The following CEP20 variants were observed in gnomAD, a reference collection of about 807,000 sequenced individuals.
CEP20 encodes FGFR1OP N-terminal like.
Under a neutral mutation model 20.0 loss-of-function variants are expected in CEP20, and 18 were observed. The ratio of observed to expected loss-of-function variants is 0.90; its 90% CI spans 0.62 to 1.34. CEP20 has a LOEUF of 1.34. Among genes scored for constraint, CEP20 ranks in the 40% most tolerant of loss-of-function variants. The pLI, the probability that CEP20 is intolerant of heterozygous loss-of-function variation, is 0.00. For synonymous variants in CEP20, 77 were observed against 73.7 expected, an observed-to-expected ratio of 1.04 and a Z score of -0.23; for missense variants, 215 against 201.6, an observed-to-expected ratio of 1.07 and a Z score of -0.40.
intron 2 of CEP20, among the ~76,000 whole-genome samples, chr16:15,880,295 G>T (rs1034102296): frequency 2.0e-5 from 3 of 152,184 alleles, no homozygotes; most frequent in Admixed American, 2.0e-4. Context: ...TTGCTGGTGG[G>T]AAAGCACAAT....
intron 3 of CEP20, among the ~76,000 whole-genome samples, chr16:15,878,714 G>A (rs376095991): frequency 1.3e-5 from 2 of 152,020 alleles, no homozygotes; most frequent in African/African-American, 4.8e-5. Flanking sequence ...TGACCAGGCT[G>A]GTCTCAAACT....
intron 1 of CEP20, among the ~76,000 whole-genome samples, chr16:15,886,791 C>A (rs565211918): frequency 1.3e-5 from 2 of 152,332 alleles, no homozygotes; most frequent in East Asian, 3.9e-4. Flanking sequence ...AGGTCCATAG[C>A]ATTTTACCTT....
At chr16:15,887,642 G>C (rs1402658901) in intron 1 of CEP20, among the ~76,000 whole-genome samples, 1 of 152,132 alleles carries the variant, frequency 6.6e-6, no homozygotes, top group African/African-American at 2.4e-5. Context: ...TGACACATGA[G>C]GCTCAATGAT....
intron 4 of CEP20, among the ~76,000 whole-genome samples, chr16:15,872,181 A>G (rs1325890816): frequency 2.0e-4 from 30 of 151,926 alleles, no homozygotes; most frequent in Non-Finnish European, 4.1e-4. Flanking sequence ...GAGTGTGGTG[A>G]TGGGCGCCTG....
Position 15,867,255 on chromosome 16 carries a change from C to A in CEP20, c.*185G>T. ...AAAAACAATACTTTTTTTTTCAAGT[C>A]AAATCCAATAAGCTAGATGACAAGA... On this transcript the variant is annotated 3_prime_UTR_variant, in exon 5 of 5. Coordinates refer to ENST00000255759, the MANE Select transcript of CEP20 (RefSeq NM_144600.4). The A allele has an allele frequency of 1.3e-5, 6 of 452,712 alleles. No homozygotes were observed. The highest frequency in any genetic ancestry group is 3.3e-5 in the East Asian group (1 of 30,032). The allele number at this position is 452,712 out of a possible 1,614,324, so 28.0% of individuals were successfully genotyped here.
intron 3 of CEP20, among the ~76,000 whole-genome samples, chr16:15,879,034 T>A (rs1291081775): frequency 6.6e-6 from 1 of 151,020 alleles, no homozygotes; most frequent in African/African-American, 2.4e-5. Flanking sequence ...TTTTTGGCTA[T>A]ACAGGGACTC....
At chr16:15,886,827 C>T (rs2157045) in intron 1 of CEP20, among the ~76,000 whole-genome samples, 5 of 152,076 alleles carry the variant, frequency 3.3e-5, no homozygotes, top group South Asian at 4.1e-4. Flanking sequence ...TAGAACACTG[C>T]GCCATCAAAA....
At chr16:15,888,045 T>G (rs923483131) in intron 1 of CEP20, among the ~76,000 whole-genome samples, 1 of 144,874 alleles carries the variant, frequency 6.9e-6, no homozygotes, top group African/African-American at 2.6e-5. Context: ...GCTACTGCAC[T>G]CCAGCCTGGG....
intron 1 of CEP20, among the ~76,000 whole-genome samples, chr16:15,887,947 G>A (rs772992644): frequency 7.9e-5 from 12 of 151,792 alleles, no homozygotes; most frequent in Non-Finnish European, 1.6e-4. Flanking sequence ...GCGTAGTGAA[G>A]AGCCCCTGTA....
rs2044685778 is a variant in CEP20, at chr16:15,866,610, G to A, written c.*830C>T. On this transcript the variant is annotated 3_prime_UTR_variant, in exon 5 of 5. Transcript: ENST00000255759. ...CAAGTAGGGGGCTGGCCCTCTTCTG[G>A]CTCATCTGTGATTGCACAACCGAGG... is the stretch of plus-strand genomic sequence containing the variant. 1 of 152,176 alleles carries A rather than the reference G, an allele frequency of 6.6e-6. No homozygotes were observed. The highest frequency in any genetic ancestry group is 1.5e-5 in the Non-Finnish European group (1 of 68,026). The allele number at this position is 152,176 out of a possible 1,614,324, so 9.4% of individuals were successfully genotyped here.
At position 15,867,382 on chromosome 16, in the gene CEP20, A is replaced by G. The variant is rs984431385; in HGVS notation, c.*58T>C. The stretch of plus-strand genomic sequence containing the variant: ...TGCATTTTGGTAACATTGGGACAAT[A>G]AATAAGTTATTTAATTAATAATACA... On this transcript the variant is annotated 3_prime_UTR_variant, in exon 5 of 5. Coordinates refer to ENST00000255759, the MANE Select transcript of CEP20 (RefSeq NM_144600.4). 1.0e-5 allele frequency: 14 copies of G among 1,351,610 alleles called. No individual in the cohort carries two copies. In the African/African-American group the frequency reaches 1.8e-4, roughly 17 times the overall value. The allele number at this position is 1,351,610 out of a possible 1,614,324, so 83.7% of individuals were successfully genotyped here.
intron 4 of CEP20, among the ~76,000 whole-genome samples, chr16:15,870,548 AC>A (rs2044788834): frequency 6.6e-6 from 1 of 152,214 alleles, no homozygotes; most frequent in Non-Finnish European, 1.5e-5. Flanking sequence ...GGACAAAGAT[AC>A]AATGTTACAT....
chr16:15,870,221 C>T (rs900360221), intron 4 of CEP20, among the ~76,000 whole-genome samples: 2 of 152,176 alleles, frequency 1.3e-5, no homozygotes, highest in Non-Finnish European at 2.9e-5. Context: ...GATTATGAAA[C>T]TTACAAACCA....
chr16:15,885,875 A>G (rs1313081525), intron 1 of CEP20: 1 of 152,244 alleles, frequency 6.6e-6, no homozygotes. Flanking sequence ...AGCAGTTATG[A>G]TCATGGGATT....
intron 3 of CEP20, among the ~76,000 whole-genome samples, chr16:15,876,281 T>C (rs529656074): frequency 2.7e-5 from 4 of 150,940 alleles, no homozygotes; most frequent in Non-Finnish European, 5.9e-5. Context: ...ATCGAGACCA[T>C]CCTGGCTAAC....
chr16:15,885,518 A>C (rs2045220509), intron 1 of CEP20, among the ~76,000 whole-genome samples: 1 of 151,980 alleles, frequency 6.6e-6, no homozygotes, highest in East Asian at 2.0e-4. Context: ...TCAGCCTCCC[A>C]AATAGCTGGG....
Position 15,884,028 on chromosome 16 carries a change from G to A in CEP20, c.206C>T (p.Thr69Ile). The A allele has an allele frequency of 6.2e-7, 1 of 1,612,556 alleles. No individual in the cohort carries two copies. Among genetic ancestry groups the A allele is most frequent in the Non-Finnish European group, 8.5e-7 (1 of 1,178,872 alleles). The change falls in exon 2 of 5, where the codon ACA (threonine) becomes ATA (isoleucine). Residue 69 changes from threonine to isoleucine, a missense_variant. By Grantham distance (89) the Thr-to-Ile change is moderately conservative (BLOSUM62 -1). Coordinates refer to ENST00000255759, the MANE Select transcript of CEP20 (RefSeq NM_144600.4). Reference sequence around the variant, plus strand: ...CTTACCTGCTATGAGGACAGATGCTGTATACTTATATTTGTTGAATTCTAA... The same window carrying A: ...CTTACCTGCTATGAGGACAGATGCTATATACTTATATTTGTTGAATTCTAA... Reference protein sequence around the residue: ...EYLEFNKYKYTASVLIAESGQ... With the variant: ...EYLEFNKYKYIASVLIAESGQ...
At chr16:15,884,603 G>A (rs2045196985) in intron 1 of CEP20, among the ~76,000 whole-genome samples, 1 of 152,150 alleles carries the variant, frequency 6.6e-6, no homozygotes, top group Admixed American at 6.6e-5. Flanking sequence ...CCAGGTTCAA[G>A]CAATTCTCCT....
At chr16:15,887,723 C>CA (rs1239221664) in intron 1 of CEP20, among the ~76,000 whole-genome samples, 1 of 152,076 alleles carries the variant, frequency 6.6e-6, no homozygotes, top group Admixed American at 6.6e-5. Flanking sequence ...ATTAATGACT[C>CA]AAACATAACT....
Sources: allele counts gnomAD v4.1 joint callset (sites outside exome capture counted in the v4.1 genomes callset), GRCh38; gene constraint gnomAD v4.1.1; transcripts MANE v1.5; gene names NCBI Gene and HGNC (gene_info 2026-07-23, HGNC 2026-07-21).